Variants in PARG observed in about 807,000 individuals in gnomAD.
PARG encodes poly(ADP-ribose) glycohydrolase, also known as mitochondrial poly(ADP-ribose) glycohydrolase.
A neutral mutation model predicts 113.0 loss-of-function variants in PARG; 35 were observed. The ratio of observed to expected loss-of-function variants is 0.31; its 90% CI spans 0.24 to 0.41. The LOEUF is 0.41. Among genes scored for constraint, PARG ranks in the 10% least tolerant of loss-of-function variants. The pLI is 1.00. For synonymous variants in PARG, 330 were observed against 409.9 expected, an observed-to-expected ratio of 0.81 and a Z score of 2.36; for missense variants, 797 against 1,169.4, an observed-to-expected ratio of 0.68 and a Z score of 4.64.
intron 4 of PARG, among the ~76,000 whole-genome samples, chr10:49,929,826 CAAAA>C (rs1238299427): frequency 5.9e-5 from 5 of 84,878 alleles, no homozygotes; most frequent in Admixed American, 1.2e-4. Context: ...AAAACTCCAT[CAAAA>C]AAAAAAAAAA....
intron 8 of PARG, among the ~76,000 whole-genome samples, chr10:49,881,628 C>A (rs1554839494): frequency 1.3e-5 from 2 of 152,124 alleles, no homozygotes; most frequent in Non-Finnish European, 2.9e-5. Flanking sequence ...GAGGAAAGGG[C>A]AGGCAAGACA....
intron 10 of PARG, among the ~76,000 whole-genome samples, chr10:49,866,670 A>C (rs1181288758): frequency 6.6e-6 from 1 of 152,058 alleles, no homozygotes; most frequent in African/African-American, 2.4e-5. Context: ...CAAAGCAAGA[A>C]AAGGCAGAAG....
rs1846603512 is a variant in PARG at position 49,868,010 on chromosome 10, C to T, written c.2068+1466G>A. On this transcript the variant is annotated intron_variant, in intron 10 of 17. Transcript: ENST00000616448. ...GCAGTCATTTATTTATTTTTTTAGACAGAGTCTTGCTCTGTCGCCCAGGCT... is the reference window on the plus strand; with the variant it reads ...GCAGTCATTTATTTATTTTTTTAGATAGAGTCTTGCTCTGTCGCCCAGGCT... Among the ~76,000 whole-genome samples the T allele has an allele frequency of 1.3e-5, 2 of 152,078 alleles. 1 individual carries two copies. The highest frequency in any genetic ancestry group is 3.9e-4 in the East Asian group (2 of 5,194).
chr10:49,880,877 T>C (rs184045185), intron 8 of PARG, among the ~76,000 whole-genome samples: 11 of 152,316 alleles, frequency 7.2e-5, no homozygotes, highest in Admixed American at 1.3e-4. Flanking sequence ...CTTGAAAGAA[T>C]TGAAGTATTT....
intron 7 of PARG, among the ~76,000 whole-genome samples, chr10:49,900,050 CTT>C (rs1848282259): frequency 6.6e-6 from 1 of 151,072 alleles, no homozygotes; most frequent in Non-Finnish European, 1.5e-5. Flanking sequence ...TATACAGACA[CTT>C]TGTTTCCTCC....
chr10:49,883,589 A>T (rs1847315921), intron 8 of PARG, among the ~76,000 whole-genome samples: 1 of 149,126 alleles, frequency 6.7e-6, no homozygotes, highest in African/African-American at 2.5e-5. Flanking sequence ...ACATGAGGTC[A>T]GGAGTTCGAG....
At chr10:49,915,406 C>A (rs1483706850) in intron 7 of PARG, among the ~76,000 whole-genome samples, 7 of 152,092 alleles carry the variant, frequency 4.6e-5, no homozygotes, top group Admixed American at 4.6e-4. Context: ...CCACTACTGG[C>A]AGCATAGTAA....
At chr10:49,891,906 C>CA (rs1280653015) in intron 7 of PARG, among the ~76,000 whole-genome samples, 1 of 151,428 alleles carries the variant, frequency 6.6e-6, no homozygotes, top group Non-Finnish European at 1.5e-5. Flanking sequence ...GGATGACAGG[C>CA]ATGAGCCTGT....
At chr10:49,937,021 C>A (rs1293068765) in intron 1 of PARG, among the ~76,000 whole-genome samples, 1 of 152,156 alleles carries the variant, frequency 6.6e-6, no homozygotes, top group African/African-American at 2.4e-5. Flanking sequence ...ATTACTTCCA[C>A]GATTTTATTT....
In PARG at chr10:49,833,022, T is replaced by C. The variant is rs1486626558; in HGVS notation, c.2542-114A>G. Reference sequence around the variant, plus strand: ...AAGCTTATGTTCAATTTCTCATTTTTTTTTTCCATAGGGGCCAAAATAGAG... The same window carrying C: ...AAGCTTATGTTCAATTTCTCATTTTCTTTTTCCATAGGGGCCAAAATAGAG... On this transcript the variant is annotated intron_variant, in intron 15 of 17. Coordinates refer to ENST00000616448, the MANE Select transcript of PARG (RefSeq NM_003631.5). 5.6e-6 allele frequency: 3 copies of C among 531,476 alleles called. No individual in the cohort carries two copies. In the African/African-American group the frequency reaches 6.0e-5, roughly 11 times the overall value. The allele number at this position is 531,476 out of a possible 1,614,324, so 32.9% of individuals were successfully genotyped here. A position where few individuals can be genotyped will look rare whatever the true frequency, so the allele number is the denominator to read the frequency against.
chr10:49,878,355 C>CA (rs1222421312), intron 9 of PARG, among the ~76,000 whole-genome samples: 1 of 145,474 alleles, frequency 6.9e-6, no homozygotes, highest in Non-Finnish European at 1.5e-5. Flanking sequence ...CAGTGGCTCA[C>CA]ACCTGTAATC....
chr10:49,893,888 C>A (rs1358152478), intron 7 of PARG, among the ~76,000 whole-genome samples: 1 of 151,752 alleles, frequency 6.6e-6, no homozygotes, highest in African/African-American at 2.4e-5. Flanking sequence ...TTAGTAAAGA[C>A]GGGGTTTCAC....
In PARG at chr10:49,932,173, A is replaced by T; in HGVS notation, c.1382T>A (p.Met461Lys). The T allele has an allele frequency of 6.2e-7, 1 of 1,604,568 alleles. No homozygotes were observed. Among genetic ancestry groups the T allele is most frequent in the Non-Finnish European group, 8.5e-7 (1 of 1,171,274 alleles). ...KKWLGTPIEE[M>K]RRMPRCGIRL... ...GATCCCACACCGAGGCATTCTTCTCATCTCCTCAATGGGAGTTCCAAGCCA... is the reference window on the plus strand; with the variant it reads ...GATCCCACACCGAGGCATTCTTCTCTTCTCCTCAATGGGAGTTCCAAGCCA... The change falls in exon 4 of 18, where the codon ATG becomes AAG. Residue 461 changes from methionine to lysine, a missense_variant. Around this residue, in one of 5 missense-constraint regions of PARG, gnomAD observed 252 missense variants for 437.4 expected, o/e 0.58. Transcript: ENST00000616448.
At chr10:49,850,745 A>T (rs1437190189) in intron 13 of PARG, among the ~76,000 whole-genome samples, 1 of 152,168 alleles carries the variant, frequency 6.6e-6, no homozygotes, top group Non-Finnish European at 1.5e-5. Flanking sequence ...ACTTCATGTT[A>T]ATATAGTTTC....
At chr10:49,847,302 T>A (rs1845558275) in intron 13 of PARG, among the ~76,000 whole-genome samples, 1 of 152,036 alleles carries the variant, frequency 6.6e-6, no homozygotes, top group African/African-American at 2.4e-5. Flanking sequence ...TAGCGATACA[T>A]TAATTACAGA....
At chr10:49,827,145 C>A (rs537000774) in intron 16 of PARG, among the ~76,000 whole-genome samples, 1 of 152,184 alleles carries the variant, frequency 6.6e-6, no homozygotes, top group Non-Finnish European at 1.5e-5. Flanking sequence ...GGAGTAGTTA[C>A]CACTGGAGTA....
At chr10:49,888,052 A>C (rs1256020464) in intron 7 of PARG, among the ~76,000 whole-genome samples, 12 of 152,206 alleles carry the variant, frequency 7.9e-5, no homozygotes, top group African/African-American at 2.9e-4. Context: ...TTTTTTTTTA[A>C]AGTAGCTGCT....
At chr10:49,879,163 A>G (rs1847097561) in intron 9 of PARG, among the ~76,000 whole-genome samples, 1 of 152,178 alleles carries the variant, frequency 6.6e-6, no homozygotes, top group African/African-American at 2.4e-5. Flanking sequence ...CCATGTCTAT[A>G]AAGGGTCAAA....
At chr10:49,887,024 A>C (rs1198681795) in intron 7 of PARG, among the ~76,000 whole-genome samples, 5 of 152,020 alleles carry the variant, frequency 3.3e-5, no homozygotes, top group African/African-American at 1.2e-4. Flanking sequence ...TAAAATATTC[A>C]AACTCTTCCT....
Sources: gnomAD v4.1 joint callset for allele counts (sites outside exome capture counted in the v4.1 genomes callset) on GRCh38, gnomAD v4.1.1 for gene constraint, gnomAD v4.1.1 regional missense constraint, MANE v1.5 for transcripts, NCBI Gene and HGNC (gene_info 2026-07-23, HGNC 2026-07-21) for gene names.